KLF12: variants seen among roughly 807,000 people sequenced by gnomAD.
KLF12 encodes Krueppel-like factor 12.
Under a neutral mutation model 37.8 loss-of-function variants are expected in KLF12, and 9 were observed. The ratio of observed to expected loss-of-function variants is 0.24; its 90% CI spans 0.14 to 0.42. The LOEUF (loss-of-function observed/expected upper bound fraction) is 0.42, where lower values mean the gene tolerates loss of function less well. Among genes scored for constraint, KLF12 ranks in the 10% least tolerant of loss-of-function variants. The pLI is 1.00. For missense variants in KLF12, 411 were observed against 516.0 expected (o/e 0.80, Z 1.97); for synonymous variants, 208 against 202.1 (o/e 1.03, Z -0.25).
chr13:73,875,357 CCAT>C lies in KLF12; in HGVS notation c.124-28987_124-28985del, dbSNP rs537777643. On this transcript the variant is annotated intron_variant, in intron 3 of 7. Transcript: ENST00000377669. ...GTTCTAATATTTTTGAAAATTTCCA[CCAT>C]GATTTTTTGACTGACTCATGGGTAA... Among the ~76,000 whole-genome samples the C allele has an allele frequency of 3.4e-4, 52 of 152,170 alleles. 1 individual carries two copies. In the South Asian group the frequency reaches 8.1e-3, roughly 24 times the overall value.
chr13:74,146,259 T>G, the KLF12 span, among the ~76,000 whole-genome samples: 17 of 152,240 alleles, frequency 1.1e-4, 1 homozygote, highest in Admixed American at 1.1e-3. Context: ...TGCCGCTCTA[T>G]GAGCAGAATG....
intron 1 of KLF12, among the ~76,000 whole-genome samples, chr13:74,100,902 T>A (rs1421994929): frequency 6.6e-6 from 1 of 152,022 alleles, no homozygotes; most frequent in Non-Finnish European, 1.5e-5. Flanking sequence ...CTCTCTGAAG[T>A]TTCCTCATCT....
At chr13:73,792,440 G>A (rs574535904) in intron 5 of KLF12, among the ~76,000 whole-genome samples, 115 of 152,272 alleles carry the variant, frequency 7.6e-4, no homozygotes, top group African/African-American at 2.5e-3. Context: ...ATTAGAGAGT[G>A]TAAAAGAATC....
At chr13:73,705,846 CAA>C (rs1308038816) in intron 7 of KLF12, among the ~76,000 whole-genome samples, 1 of 152,056 alleles carries the variant, frequency 6.6e-6, no homozygotes, top group Non-Finnish European at 1.5e-5. Flanking sequence ...AATGATGTCA[CAA>C]AGACACGATA....
At chr13:73,927,107 A>G (rs747033748) in intron 3 of KLF12, among the ~76,000 whole-genome samples, 1 of 152,212 alleles carries the variant, frequency 6.6e-6, no homozygotes, top group South Asian at 2.1e-4. Flanking sequence ...AACAAATACA[A>G]TAATTCCCAT....
chr13:74,104,139 T>C (rs1182993598), intron 1 of KLF12, among the ~76,000 whole-genome samples: 3 of 152,044 alleles, frequency 2.0e-5, no homozygotes, highest in African/African-American at 7.2e-5. Context: ...CCAGATAAGG[T>C]GTTTTGGGGA....
intron 4 of KLF12, among the ~76,000 whole-genome samples, chr13:73,826,504 T>G (rs1436929770): frequency 2.0e-5 from 3 of 152,232 alleles, no homozygotes; most frequent in African/African-American, 7.2e-5. Context: ...CAGGCTTACA[T>G]AAAATGGCTA....
chr13:73,846,333 G>C lies in KLF12; in HGVS notation c.164C>G (p.Pro55Arg). The C allele has an allele frequency of 5.0e-6, 8 of 1,613,740 alleles. No individual in the cohort carries two copies. The highest frequency in any genetic ancestry group is 6.8e-6 in the Non-Finnish European group (8 of 1,179,962). ...CCCTTTCACATTATTTAGCAACAGG[G>C]GAACGGCTTCCATATCGGGATAGTT... is the stretch of plus-strand genomic sequence containing the variant. Residue 55 changes from proline to arginine, a missense_variant, in exon 4 of 8, where the codon CCC becomes CGC. Physicochemically the swap from Pro to Arg is moderately radical, Grantham distance 103. Coordinates refer to ENST00000377669, the MANE Select transcript of KLF12 (RefSeq NM_007249.5).
chr13:73,707,905 G>T (rs1875068055), intron 7 of KLF12, among the ~76,000 whole-genome samples: 1 of 152,146 alleles, frequency 6.6e-6, no homozygotes, highest in Non-Finnish European at 1.5e-5. Flanking sequence ...AGAAAAGACA[G>T]AATCTGCAAT....
intron 2 of KLF12, among the ~76,000 whole-genome samples, chr13:73,973,596 C>A (rs1195434757): frequency 1.3e-5 from 2 of 149,844 alleles, no homozygotes; most frequent in African/African-American, 2.5e-5. Context: ...ATGGATAGGT[C>A]TCAACTATAG....
intron 1 of KLF12, among the ~76,000 whole-genome samples, chr13:74,109,852 C>T (rs1172933403): frequency 6.6e-6 from 1 of 151,866 alleles, no homozygotes; most frequent in Non-Finnish European, 1.5e-5. Flanking sequence ...TCCGTTTTTA[C>T]TAAAAAGCAA....
At chr13:73,727,759 G>A (rs536649191) in intron 6 of KLF12, among the ~76,000 whole-genome samples, 8 of 151,258 alleles carry the variant, frequency 5.3e-5, no homozygotes, top group East Asian at 1.9e-4. Flanking sequence ...GTGCAGTGGC[G>A]TGATCTTGGC....
chr13:73,812,264 C>T (rs1165932245), intron 5 of KLF12, among the ~76,000 whole-genome samples: 1 of 151,822 alleles, frequency 6.6e-6, no homozygotes, highest in East Asian at 1.9e-4. Context: ...TCAAAGGGTA[C>T]AAATTTGCAG....
At chr13:74,098,307 G>A (rs543883603) in intron 1 of KLF12, among the ~76,000 whole-genome samples, 4 of 152,210 alleles carry the variant, frequency 2.6e-5, no homozygotes, top group African/African-American at 9.6e-5. Flanking sequence ...TATCAATACT[G>A]CTTACCTCCT....
chr13:74,210,323 T>G, the KLF12 span, among the ~76,000 whole-genome samples: 1 of 152,186 alleles, frequency 6.6e-6, no homozygotes, highest in Non-Finnish European at 1.5e-5. Flanking sequence ...AATTTTAAAA[T>G]TTTTTCATCA....
chr13:74,159,993 C>A, the KLF12 span, among the ~76,000 whole-genome samples: 5 of 99,620 alleles, frequency 5.0e-5, no homozygotes, highest in Non-Finnish European at 9.5e-5. Flanking sequence ...CAGAGGGAGA[C>A]CTTGTCTCAA....
chr13:73,736,374 T>C (rs1208675233), intron 6 of KLF12, among the ~76,000 whole-genome samples: 3 of 152,234 alleles, frequency 2.0e-5, no homozygotes, highest in African/African-American at 7.2e-5. Context: ...TTCAGACAGT[T>C]AATTATCAAC....
intron 6 of KLF12, among the ~76,000 whole-genome samples, chr13:73,730,945 T>C (rs149828455): frequency 1.4e-3 from 215 of 152,214 alleles, no homozygotes; most frequent in African/African-American, 5.0e-3. Flanking sequence ...CTGTTTCGTT[T>C]TTTTAGTTTT....
At chr13:74,027,137 G>A (rs1892995200) in intron 1 of KLF12, among the ~76,000 whole-genome samples, 1 of 152,138 alleles carries the variant, frequency 6.6e-6, no homozygotes, top group Admixed American at 6.5e-5. Context: ...GAATTAGTTT[G>A]ACCTAAAATA....
Sources: gnomAD v4.1 joint callset for allele counts (sites outside exome capture counted in the v4.1 genomes callset) on GRCh38, gnomAD v4.1.1 for gene constraint, MANE v1.5 for transcripts, NCBI Gene and HGNC (gene_info 2026-07-23, HGNC 2026-07-21) for gene names.